PLA2G4F: variants seen among roughly 807,000 people sequenced by gnomAD.
The protein encoded by PLA2G4F is phospholipase A2 group IVF.
Under a neutral mutation model 103.1 loss-of-function variants are expected in PLA2G4F, and 105 were observed. That is an observed-to-expected ratio of 1.02 (90% CI 0.87 to 1.20). The LOEUF is 1.20. Ranked by LOEUF, PLA2G4F falls within the 50% of genes most tolerant of loss-of-function variation. The pLI is 0.00. For synonymous variants in PLA2G4F, 468 were observed against 441.1 expected, an observed-to-expected ratio of 1.06 and a Z score of -0.76; for missense variants, 1,155 against 1,075.9, an observed-to-expected ratio of 1.07 and a Z score of -1.03.
intron 5 of PLA2G4F, 42 bp from the exon 6 acceptor site, chr15:42,153,384 A>G: frequency 6.3e-7 from 1 of 1,596,244 alleles, no homozygotes; most frequent in Non-Finnish European, 8.6e-7. Context: ...ATCTGGCCCC[A>G]TCATGATGGC....
chr15:42,145,801 T>G lies in PLA2G4F; in HGVS notation c.1637A>C (p.Gln546Pro). 6.2e-7 allele frequency: 1 copy of G among 1,614,116 alleles called. No homozygotes were observed. Among genetic ancestry groups the G allele is most frequent in the South Asian group, 1.1e-5 (1 of 91,082 alleles). Residue 546 changes from glutamine to proline, a missense_variant, in exon 15 of 20, where the codon CAG becomes CCG. By Grantham distance (76) the Gln-to-Pro change is moderately conservative. Transcript: ENST00000397272. ...GSELFMGRLLQLQPEPRICYL... is the reference protein window; with the variant it reads ...GSELFMGRLLPLQPEPRICYL... The stretch of plus-strand genomic sequence containing the variant: ...ACAGATCCGGGGTTCAGGCTGGAGC[T>G]GCAGCAATCGTCCCATGAAGAGTTC...
chr15:42,147,561 C>T (rs905641077), intron 12 of PLA2G4F, 65 bp downstream of exon 12: 5 of 1,567,770 alleles, frequency 3.2e-6, no homozygotes, highest in Non-Finnish European at 4.4e-6. Flanking sequence ...CTTAAGATCA[C>T]CAGGTCACAA....
chr15:42,155,287 CAT>C (rs1322170724), intron 2 of PLA2G4F, among the ~76,000 whole-genome samples: 4 of 151,974 alleles, frequency 2.6e-5, no homozygotes, highest in Admixed American at 6.5e-5. Flanking sequence ...GTTTACACCA[CAT>C]ATACACGCAC....
At position 42,148,788 on chromosome 15, in the gene PLA2G4F, T is replaced by A. The variant is rs369069492; in HGVS notation, c.1059+925A>T. On this transcript the variant is annotated intron_variant, in intron 11 of 19. Coordinates refer to ENST00000397272, the MANE Select transcript of PLA2G4F (RefSeq NM_213600.4). ...CAGTAAGATTTGGCTCATTCCACTC[T>A]GGATTTTTGTTCTTTTCCCTGTTCT... 124 of 985,418 alleles carry A rather than the reference T, an allele frequency of 1.3e-4. 2 individuals are homozygous for A. In the South Asian group the frequency reaches 5.2e-3, roughly 41 times the overall value. The allele number at this position is 985,418 out of a possible 1,614,324, so 61.0% of individuals were successfully genotyped here.
chr15:42,144,272 C>G, intron 17 of PLA2G4F, 128 bp from the exon 18 acceptor site: 1 of 1,402,480 alleles, frequency 7.1e-7, no homozygotes, highest in Non-Finnish European at 9.6e-7. Flanking sequence ...AGACTCCTGC[C>G]CCAAGCCCTT....
chr15:42,141,909 C>G lies in PLA2G4F; in HGVS notation c.*75G>C. On this transcript the variant is annotated 3_prime_UTR_variant, in exon 20 of 20. Transcript: ENST00000397272. ...AGCAGATCCTGCACAGAGTCCCCAT[C>G]GCTCCTCCCTCTACAAGCCCTGACC... The G allele has an allele frequency of 7.0e-7, 1 of 1,423,382 alleles. No individual in the cohort carries two copies. The allele number at this position is 1,423,382 out of a possible 1,614,324, so 88.2% of individuals were successfully genotyped here.
chr15:42,152,580 A>G, intron 7 of PLA2G4F, 108 bp downstream of exon 7: 1 of 1,150,444 alleles, frequency 8.7e-7, no homozygotes, highest in Non-Finnish European at 1.3e-6. Flanking sequence ...GTCGGCTTTG[A>G]GCAATGAAAA....
intron 5 of PLA2G4F, 24 bp downstream of exon 5, chr15:42,153,596 G>T: frequency 1.2e-6 from 2 of 1,613,898 alleles, no homozygotes; most frequent in Non-Finnish European, 1.7e-6. Flanking sequence ...AGTCTCTGAG[G>T]GCGTTGGCTC....
rs1375120574 is a variant in PLA2G4F at position 42,141,724 on chromosome 15, C to CT, written c.*259dup. 1 of 601,320 alleles carries CT rather than the reference C, an allele frequency of 1.7e-6. No homozygotes were observed. Among genetic ancestry groups the CT allele is most frequent in the Non-Finnish European group, 3.1e-6 (1 of 323,408 alleles). The allele number at this position is 601,320 out of a possible 1,614,324, so 37.2% of individuals were successfully genotyped here. A position where few individuals can be genotyped will look rare whatever the true frequency, so the allele number is the denominator to read the frequency against. On this transcript the variant is annotated 3_prime_UTR_variant, in exon 20 of 20. Transcript: ENST00000397272. Reference sequence around the variant, plus strand: ...TCCACACCCCGCTGTGAAATGAGTGCTGTTCTCTTCTGCCCTACATCCCCA... The same window carrying CT: ...TCCACACCCCGCTGTGAAATGAGTGCTTGTTCTCTTCTGCCCTACATCCCCA...
intron 7 of PLA2G4F, 22 bp from the exon 8 acceptor site, chr15:42,150,799 G>T: frequency 6.3e-7 from 1 of 1,598,234 alleles, no homozygotes; most frequent in Non-Finnish European, 8.5e-7. Flanking sequence ...GGGCCCAGGT[G>T]GGTGCGCAGG....
chr15:42,143,195 AAAAAAAAAAAG>A (rs1408101686), intron 18 of PLA2G4F, among the ~76,000 whole-genome samples: 82 of 150,012 alleles, frequency 5.5e-4, no homozygotes, highest in African/African-American at 1.9e-3. Flanking sequence ...AAAAAAAAAA[AAAAAAAAAAAG>A]CTCCCCATCC....
In PLA2G4F at chr15:42,147,207, G is replaced by A; in HGVS notation, c.1336C>T (p.Leu446=). The change falls in exon 13 of 20, where the codon CTG becomes TTG. Residue 446 remains leucine (L), a synonymous_variant. Transcript: ENST00000397272. Reference sequence around the variant, plus strand: ...TGGCCACTGCGCTCCCGGACCCCCAGTTCCTGAGTGTAGTACTGTAGCCGC... The same window carrying A: ...TGGCCACTGCGCTCCCGGACCCCCAATTCCTGAGTGTAGTACTGTAGCCGC... ...TERLQYYTQE[L]GVRERSGHSV... The A allele has an allele frequency of 6.2e-7, 1 of 1,613,026 alleles. No individual in the cohort carries two copies. Among genetic ancestry groups the A allele is most frequent in the African/African-American group, 1.3e-5 (1 of 74,994 alleles).
chr15:42,146,622 T>C, intron 13 of PLA2G4F: 1 of 244,704 alleles, frequency 4.1e-6, no homozygotes, highest in East Asian at 9.3e-5. Context: ...ACTTGTGATA[T>C]CCACCCACAA....
intron 9 of PLA2G4F, 66 bp from the exon 10 acceptor site, chr15:42,150,207 C>T: frequency 6.2e-7 from 1 of 1,604,078 alleles, no homozygotes; most frequent in Non-Finnish European, 8.5e-7. Flanking sequence ...AATGGCTCCC[C>T]CACCTGCAGC....
chr15:42,142,651 C>T lies in PLA2G4F; in HGVS notation c.2206G>A (p.Gly736Ser), dbSNP rs1164004531. ...CGGGCCTCCTCCATGTCCTCAGGGC[C>T]CACCTCGATGCTAGGGAAGGGGATT... ...RGIPFPSIEV[G>S]PEDMEEAREC... The change falls in exon 19 of 20, where the codon GGC (glycine) becomes AGC (serine). Residue 736 changes from glycine (G) to serine (S), a missense_variant. Physicochemically the swap from Gly to Ser is moderately conservative, Grantham distance 56. Coordinates refer to ENST00000397272, the MANE Select transcript of PLA2G4F (RefSeq NM_213600.4). 9.3e-6 allele frequency: 15 copies of T among 1,614,090 alleles called. No homozygotes were observed. Among genetic ancestry groups the T allele is most frequent in the Non-Finnish European group, 1.1e-5 (13 of 1,180,008 alleles).
Position 42,150,424 on chromosome 15 carries a change from G to C in PLA2G4F, c.834C>G (p.Leu278=). The change falls in exon 9 of 20, where the codon CTC becomes CTG. Residue 278 remains leucine, a synonymous_variant. Transcript: ENST00000397272. ...TSKLGEGGIL[L]SSLPLGQEEQ... ...CCTCCTGGCCTAGGGGCAGAGAGGA[G>C]AGCAGGATGCCCCCCTCGCCCAGCT... 1 of 1,613,422 alleles carries C rather than the reference G, an allele frequency of 6.2e-7. No homozygotes were observed. Among genetic ancestry groups the C allele is most frequent in the Non-Finnish European group, 8.5e-7 (1 of 1,179,946 alleles).
At position 42,145,862 on chromosome 15, in the gene PLA2G4F, A is replaced by G. The variant is rs1259793221; in HGVS notation, c.1576T>C (p.Tyr526His). The change falls in exon 15 of 20, where the codon TAC becomes CAC. Residue 526 changes from tyrosine (Y) to histidine (H), a missense_variant. Around this residue, in one of 3 missense-constraint regions of PLA2G4F, gnomAD observed 782 missense variants for 692.9 expected, o/e 1.13. Coordinates refer to ENST00000397272, the MANE Select transcript of PLA2G4F (RefSeq NM_213600.4). ...AGCTCGGTGGGAACATAAGCCCCGT[A>G]CTTGGGGAAGCCAACCTCATAGGGC... The part of the protein sequence containing the change: ...FTPYEVGFPK[Y>H]GAYVPTELFG... 1 of 1,613,988 alleles carries G rather than the reference A, an allele frequency of 6.2e-7. No homozygotes were observed. Among genetic ancestry groups the G allele is most frequent in the Non-Finnish European group, 8.5e-7 (1 of 1,180,026 alleles).
chr15:42,148,980 T>G (rs549805920), intron 11 of PLA2G4F: 1 of 985,336 alleles, frequency 1.0e-6, no homozygotes, highest in South Asian at 4.7e-5. Context: ...AGTGATAGCG[T>G]CTCCTGAGGA....
At chr15:42,153,375 T>C (rs201218709) in intron 5 of PLA2G4F, 33 bp from the exon 6 acceptor site, 10 of 1,606,230 alleles carry the variant, frequency 6.2e-6, no homozygotes, top group Admixed American at 3.3e-5. Flanking sequence ...GGAGAATACA[T>C]CTGGCCCCAT....
Sources: allele counts gnomAD v4.1 joint callset (sites outside exome capture counted in the v4.1 genomes callset), GRCh38; gene constraint gnomAD v4.1.1; regional missense constraint gnomAD v4.1.1; transcripts MANE v1.5; gene names NCBI Gene and HGNC (gene_info 2026-07-23, HGNC 2026-07-21).